Variants in RFX1 observed in about 807,000 individuals in gnomAD.
RFX1 encodes the protein MHC class II regulatory factor RFX1.
A neutral mutation model predicts 119.6 loss-of-function variants in RFX1; 42 were observed. The observed-to-expected ratio is 0.35, with a 90% CI of 0.27 to 0.45. The LOEUF is 0.45. RFX1 is among the 20% of genes least tolerant of loss of function. The probability of loss-of-function intolerance (pLI) is 1.00; values close to 1 mark genes in which losing one functional copy is unlikely to be tolerated. For missense variants in RFX1, 1,118 were observed against 1,368.1 expected, an observed-to-expected ratio of 0.82 and a Z score of 2.88; for synonymous variants, 628 against 618.5, an observed-to-expected ratio of 1.02 and a Z score of -0.23.
intron 2 of RFX1, among the ~76,000 whole-genome samples, chr19:13,989,798 T>C (rs1218281362): frequency 6.6e-6 from 1 of 151,252 alleles, no homozygotes; most frequent in Non-Finnish European, 1.5e-5. Context: ...CTCTGGCTGC[T>C]GGGAGGGGTC....
chr19:13,964,030 T>C, intron 16 of RFX1, 23 bp from the exon 17 acceptor site: 1 of 1,526,636 alleles, frequency 6.6e-7, no homozygotes, highest in Non-Finnish European at 8.8e-7. Flanking sequence ...ATTGAGGGGC[T>C]TGCTGCTTCC....
rs942896685 is a variant in RFX1, at chr19:13,985,657, C to T, written c.320-2062G>A. 2.6e-5 allele frequency among the ~76,000 whole-genome samples: 4 copies of T among 152,346 alleles called. No individual in the cohort carries two copies. The highest frequency in any genetic ancestry group is 6.5e-5 in the Admixed American group (1 of 15,300). On this transcript the variant is annotated intron_variant, in intron 2 of 20. Coordinates refer to ENST00000254325, the MANE Select transcript of RFX1 (RefSeq NM_002918.5). This position sits in a 1 kb window ranked among gnomAD's most constrained non-coding sequence, Gnocchi z 4.3. ...GGAGTCACTGGTTCTGCCTGGGCTG[C>T]GCCCCAAGGGCAGTGATGTGTGAAC...
chr19:13,992,629 G>C (rs1444951373), intron 2 of RFX1, among the ~76,000 whole-genome samples: 1 of 152,180 alleles, frequency 6.6e-6, no homozygotes, highest in Non-Finnish European at 1.5e-5. Context: ...GCCCACTCAA[G>C]GCCATCCTGG....
chr19:13,976,186 C>T (rs141710877), intron 8 of RFX1, among the ~76,000 whole-genome samples: 244 of 152,316 alleles, frequency 1.6e-3, no homozygotes, highest in Non-Finnish European at 2.3e-3. Context: ...CCAAGCCTCA[C>T]GATTTAGATG....
Position 13,978,092 on chromosome 19 carries a change from G to T in RFX1, c.835-6C>A. On this transcript the variant is annotated splice_polypyrimidine_tract_variant and splice_region_variant and intron_variant, in intron 7 of 20. Coordinates refer to ENST00000254325, the MANE Select transcript of RFX1 (RefSeq NM_002918.5). ...ACCTGCTGGAGCTGCTGCACCTGGG[G>T]CAGAGGAAGGGCACGTGGAGGGTCA... The T allele has an allele frequency of 6.2e-7, 1 of 1,610,640 alleles. No homozygotes were observed. The highest frequency in any genetic ancestry group is 8.5e-7 in the Non-Finnish European group (1 of 1,177,756).
rs188941457 is a variant in RFX1, at chr19:13,989,628, T to C, written c.319+3897A>G. 1.4e-3 allele frequency among the ~76,000 whole-genome samples: 218 copies of C among 152,128 alleles called. 1 individual carries two copies. The highest frequency in any genetic ancestry group is 5.1e-3 in the African/African-American group (213 of 41,506). On this transcript the variant is annotated intron_variant, in intron 2 of 20. Transcript: ENST00000254325. ...GTGTGTGTAGCTTTTAAAGTCCTTT[T>C]TTGTCAGGTATCGGGGGAGGGGAAG... is the stretch of plus-strand genomic sequence containing the variant.
intron 1 of RFX1, among the ~76,000 whole-genome samples, chr19:14,003,045 C>T (rs1975266663): frequency 1.3e-5 from 2 of 152,208 alleles, no homozygotes; most frequent in Non-Finnish European, 2.9e-5. Flanking sequence ...TGCAGTGGCA[C>T]GATCTTGGCT....
chr19:14,004,192 G>A (rs1028465251), intron 1 of RFX1, among the ~76,000 whole-genome samples: 1 of 150,346 alleles, frequency 6.7e-6, no homozygotes, highest in Non-Finnish European at 1.5e-5. Context: ...GAGCCACCAC[G>A]CCCAGCCTGC....
In RFX1 at chr19:14,000,465, C is replaced by CACACAT. The variant is rs377028977; in HGVS notation, c.-53+5632_-53+5637dup. 5.3e-3 allele frequency among the ~76,000 whole-genome samples: 813 copies of CACACAT among 152,012 alleles called. 8 individuals carry two copies. The highest frequency in any genetic ancestry group is 0.018 in the African/African-American group (759 of 41,420). ...TTGTGCCACTGCATGCATACAAACA[C>CACACAT]ACACATACACATACACATACACACA... On this transcript the variant is annotated intron_variant, in intron 1 of 20. Transcript: ENST00000254325.
In RFX1 at chr19:13,980,591, ACT is replaced by A; in HGVS notation, c.718_719del (p.Ser240CysfsTer207). On this transcript the variant is annotated frameshift_variant, in exon 6 of 21. Transcript: ENST00000254325. LOFTEE classifies it high-confidence loss of function. This position sits in a 1 kb window ranked among gnomAD's most constrained non-coding sequence, Gnocchi z 5.1. ...QQLQVHGVQQ[S>X]VPVTQERSVV... is the part of the protein sequence containing the mutation. The stretch of plus-strand genomic sequence containing the variant: ...CTGGCACCTCTTGGGTGACGGGGAC[ACT>A]CTGCTGGACGCCGTGGACCTGCAGC... The A allele has an allele frequency of 6.4e-7, 1 of 1,573,744 alleles. No homozygotes were observed. Among genetic ancestry groups the A allele is most frequent in the Non-Finnish European group, 8.6e-7 (1 of 1,167,234 alleles).
intron 1 of RFX1, chr19:13,998,203 G>A (rs183570198): frequency 1.3e-5 from 2 of 152,320 alleles, no homozygotes; most frequent in African/African-American, 2.4e-5. Context: ...AATGAGATCA[G>A]GCCGGGCACG....
At chr19:13,979,683 G>T (rs1415331527) in intron 6 of RFX1, 141 bp from the exon 7 acceptor site, 31 of 489,074 alleles carry the variant, frequency 6.3e-5, no homozygotes, top group Non-Finnish European at 1.1e-5. Context: ...AGCAAGGAGG[G>T]TGCTGGATCC....
In RFX1 at chr19:13,979,504, G is replaced by A. The variant is rs766338440; in HGVS notation, c.777C>T (p.Pro259=). The A allele has an allele frequency of 5.0e-6, 8 of 1,604,166 alleles. No homozygotes were observed. Among genetic ancestry groups the A allele is most frequent in the Non-Finnish European group, 6.8e-6 (8 of 1,174,580 alleles). The change falls in exon 7 of 21, where the codon CCC becomes CCT. Residue 259 remains proline, a synonymous_variant. Transcript: ENST00000254325. Reference sequence around the variant, plus strand: ...GCACGGTCAGCGGCTGCACCGGGCCGGGTTTGGGCGCTTGTGGAGTGGCCT... The same window carrying A: ...GCACGGTCAGCGGCTGCACCGGGCCAGGTTTGGGCGCTTGTGGAGTGGCCT... ...VVQATPQAPK[P]GPVQPLTVQG... is the part of the protein sequence containing the mutation.
chr19:13,978,423 A>G (rs1270403918), intron 7 of RFX1, among the ~76,000 whole-genome samples: 1 of 151,954 alleles, frequency 6.6e-6, no homozygotes, highest in African/African-American at 2.4e-5. Flanking sequence ...GGAGCTACAG[A>G]AAGGGCCTCA....
intron 1 of RFX1, among the ~76,000 whole-genome samples, chr19:14,003,128 G>T (rs1382734940): frequency 6.6e-6 from 1 of 152,094 alleles, no homozygotes; most frequent in Non-Finnish European, 1.5e-5. Context: ...GACTACTACA[G>T]TCATGTGCTA....
At chr19:13,972,199 T>C (rs1023760006) in intron 9 of RFX1, among the ~76,000 whole-genome samples, 2 of 125,468 alleles carry the variant, frequency 1.6e-5, no homozygotes, top group African/African-American at 7.3e-5. Flanking sequence ...GTAGACAACA[T>C]TTTTTTTTTT....
At chr19:13,993,969 A>G in intron 1 of RFX1, 74 bp from the exon 2 acceptor site, 1 of 863,918 alleles carries the variant, frequency 1.2e-6, no homozygotes, top group Non-Finnish European at 1.8e-6. Context: ...GAATTAATCC[A>G]CAGGCAGAGA....
chr19:13,965,805 A>T lies in RFX1; in HGVS notation c.1962-28T>A. 1.2e-6 allele frequency: 2 copies of T among 1,610,192 alleles called. No individual in the cohort carries two copies. Among genetic ancestry groups the T allele is most frequent in the Non-Finnish European group, 1.7e-6 (2 of 1,178,668 alleles). On this transcript the variant is annotated intron_variant, in intron 14 of 20. Transcript: ENST00000254325. This position sits in a 1 kb window ranked among gnomAD's most constrained non-coding sequence, Gnocchi z 4.7. ...GCGGGCACCCACCCCACCCCGGGTC[A>T]CTGGGGTACTCTATGGTCCTGCCCC...
In RFX1 at chr19:13,980,731, T is replaced by TGCAACCTCTCTGGGGTGGGCTC; in HGVS notation, c.622-43_622-42insGAGCCCACCCCAGAGAGGTTGC. The TGCAACCTCTCTGGGGTGGGCTC allele has an allele frequency of 1.7e-6, 2 of 1,201,556 alleles. No individual in the cohort carries two copies. Among genetic ancestry groups the TGCAACCTCTCTGGGGTGGGCTC allele is most frequent in the Non-Finnish European group, 2.4e-6 (2 of 842,378 alleles). 74.4% of individuals were successfully genotyped at this position (1,201,556 alleles called of 1,614,324 possible). A position where few individuals can be genotyped will look rare whatever the true frequency, so the allele number is the denominator to read the frequency against. Reference sequence around the variant, plus strand: ...CACAGGAGTGCCGCTGGGGTGGGCTTGCATCCTCTCTGAGGTGGGCTCACA... The same window carrying TGCAACCTCTCTGGGGTGGGCTC: ...CACAGGAGTGCCGCTGGGGTGGGCTTGCAACCTCTCTGGGGTGGGCTCGCATCCTCTCTGAGGTGGGCTCACA... On this transcript the variant is annotated intron_variant, in intron 5 of 20. Transcript: ENST00000254325. This position sits in a 1 kb window ranked among gnomAD's most constrained non-coding sequence, Gnocchi z 5.1.
Sources: allele counts gnomAD v4.1 joint callset (sites outside exome capture counted in the v4.1 genomes callset), GRCh38; gene constraint gnomAD v4.1.1; non-coding constraint Gnocchi (gnomAD v3.1); transcripts MANE v1.5; gene names NCBI Gene and HGNC (gene_info 2026-07-23, HGNC 2026-07-21).